GMDS: variants seen among roughly 807,000 people sequenced by gnomAD.
GMDS encodes the protein GDP-mannose 4,6 dehydratase.
Under a neutral mutation model 49.9 loss-of-function variants are expected in GMDS, and 20 were observed. That is an observed-to-expected ratio of 0.40 (90% confidence interval 0.28 to 0.58). GMDS has a LOEUF of 0.58. GMDS is among the 20% of genes least tolerant of loss of function. The pLI, the probability that GMDS is intolerant of heterozygous loss-of-function variation, is 0.42. For missense variants in GMDS, 362 were observed against 481.4 expected, an observed-to-expected ratio of 0.75 and a Z score of 2.32; for synonymous variants, 177 against 178.6, an observed-to-expected ratio of 0.99 and a Z score of 0.07.
intron 4 of GMDS, among the ~76,000 whole-genome samples, chr6:1,996,934 C>A (rs1377909351): frequency 6.6e-6 from 1 of 152,002 alleles, no homozygotes; most frequent in Non-Finnish European, 1.5e-5. Context: ...AGGAGTAAGA[C>A]CCTAGTCTTT....
chr6:2,071,804 G>A (rs1174883199), intron 4 of GMDS, among the ~76,000 whole-genome samples: 7 of 152,128 alleles, frequency 4.6e-5, no homozygotes. Flanking sequence ...TGCGAAGACT[G>A]AATACCAATT....
At chr6:1,768,742 G>T (rs1768459703) in intron 7 of GMDS, among the ~76,000 whole-genome samples, 1 of 152,200 alleles carries the variant, frequency 6.6e-6, no homozygotes, top group African/African-American at 2.4e-5. Context: ...AAACATTTCT[G>T]TTCCCAAGCA....
At chr6:1,721,973 T>C (rs999891020) in intron 9 of GMDS, among the ~76,000 whole-genome samples, 3 of 151,798 alleles carry the variant, frequency 2.0e-5, no homozygotes, top group African/African-American at 7.3e-5. Context: ...TGTTTCATTA[T>C]CCATTTTTGG....
At chr6:1,673,782 A>G in intron 9 of GMDS, among the ~76,000 whole-genome samples, 1 of 151,900 alleles carries the variant, frequency 6.6e-6, no homozygotes, top group Non-Finnish European at 1.5e-5. Context: ...TATAGCTGGA[A>G]TCATACAGTA....
chr6:1,871,819 T>C (rs1223221156), intron 7 of GMDS, among the ~76,000 whole-genome samples: 1 of 152,238 alleles, frequency 6.6e-6, no homozygotes, highest in Non-Finnish European at 1.5e-5. Flanking sequence ...TACAAGAGCA[T>C]AGTTCACATT....
chr6:1,630,311 C>T (rs542581986), intron 9 of GMDS, among the ~76,000 whole-genome samples: 6 of 152,234 alleles, frequency 3.9e-5, no homozygotes, highest in African/African-American at 1.4e-4. Flanking sequence ...TGGGACGAAC[C>T]GCATGTGGCC....
At chr6:2,194,001 G>A (rs1358359880) in intron 1 of GMDS, among the ~76,000 whole-genome samples, 2 of 151,618 alleles carry the variant, frequency 1.3e-5, no homozygotes, top group Non-Finnish European at 1.5e-5. Context: ...GATTACAGGC[G>A]TGAGCCACCG....
intron 9 of GMDS, among the ~76,000 whole-genome samples, chr6:1,658,490 G>A (rs896745476): frequency 5.3e-5 from 8 of 152,242 alleles, no homozygotes; most frequent in African/African-American, 1.9e-4. Flanking sequence ...TCCTGGACAG[G>A]CAGAGGGAAG....
Position 1,643,698 on chromosome 6 carries a change from G to A in GMDS, c.988-19158C>T, listed in dbSNP as rs1037218510. On this transcript the variant is annotated intron_variant, in intron 9 of 10. Transcript: ENST00000380815. Reference sequence around the variant, plus strand: ...TAATGGTTATGGAGTTTTTGCCTCCGGTGATGAAAATGCCCTAGAGTTGAT... The same window carrying A: ...TAATGGTTATGGAGTTTTTGCCTCCAGTGATGAAAATGCCCTAGAGTTGAT... Among the ~76,000 whole-genome samples the A allele has an allele frequency of 4.6e-5, 7 of 152,096 alleles. No homozygotes were observed. In the South Asian group the frequency reaches 1.0e-3, roughly 22 times the overall value.
intron 1 of GMDS, among the ~76,000 whole-genome samples, chr6:2,219,744 A>T (rs1318397135): frequency 6.6e-6 from 1 of 152,168 alleles, no homozygotes; most frequent in East Asian, 1.9e-4. Context: ...TTAAAAAAAA[A>T]TTCCCTCTGA....
intron 7 of GMDS, among the ~76,000 whole-genome samples, chr6:1,858,380 G>A (rs1168456971): frequency 6.6e-6 from 1 of 152,082 alleles, no homozygotes; most frequent in Non-Finnish European, 1.5e-5. Flanking sequence ...TATATTGTGT[G>A]CAGCTGTATG....
At chr6:1,897,910 C>G (rs931002313) in intron 7 of GMDS, among the ~76,000 whole-genome samples, 5 of 152,030 alleles carry the variant, frequency 3.3e-5, no homozygotes, top group Admixed American at 2.0e-4. Flanking sequence ...CAGGCTGGAT[C>G]TACTCCACGG....
chr6:1,924,987 C>T (rs1761921649), intron 7 of GMDS, among the ~76,000 whole-genome samples: 1 of 101,520 alleles, frequency 9.9e-6, no homozygotes, highest in African/African-American at 4.2e-5. Context: ...GCTATCTATA[C>T]CCCATAAAAT....
At chr6:1,859,475 C>T (rs914154252) in intron 7 of GMDS, among the ~76,000 whole-genome samples, 10 of 152,186 alleles carry the variant, frequency 6.6e-5, no homozygotes, top group South Asian at 2.1e-4. Context: ...GGCCACCAAA[C>T]GTGCAATGAA....
chr6:1,805,185 T>C (rs951206430), intron 7 of GMDS, among the ~76,000 whole-genome samples: 5 of 152,220 alleles, frequency 3.3e-5, no homozygotes, highest in African/African-American at 1.2e-4. Context: ...GATGGTTCAA[T>C]GCTAAGTTGT....
intron 1 of GMDS, among the ~76,000 whole-genome samples, chr6:2,158,234 C>T (rs1173600357): frequency 6.6e-6 from 1 of 152,004 alleles, no homozygotes; most frequent in Non-Finnish European, 1.5e-5. Flanking sequence ...TATATACATA[C>T]ATATATAATA....
chr6:2,011,314 A>C (rs918144488), intron 4 of GMDS, among the ~76,000 whole-genome samples: 1 of 152,224 alleles, frequency 6.6e-6, no homozygotes, highest in African/African-American at 2.4e-5. Flanking sequence ...GTTGGTGAGG[A>C]TGCAAAGAGA....
intron 4 of GMDS, among the ~76,000 whole-genome samples, chr6:2,082,875 C>T (rs971168882): frequency 2.0e-5 from 3 of 152,124 alleles, no homozygotes; most frequent in Admixed American, 6.5e-5. Context: ...ATGACAAAAC[C>T]GAACCCCAAA....
chr6:2,056,145 T>C (rs1056278585), intron 4 of GMDS, among the ~76,000 whole-genome samples: 11 of 152,178 alleles, frequency 7.2e-5, no homozygotes, highest in Non-Finnish European at 1.3e-4. Flanking sequence ...ATATGTCTCC[T>C]GATTCCAGAG....
Sources: gnomAD v4.1 joint callset for allele counts (sites outside exome capture counted in the v4.1 genomes callset) on GRCh38, gnomAD v4.1.1 for gene constraint, MANE v1.5 for transcripts, NCBI Gene and HGNC (gene_info 2026-07-23, HGNC 2026-07-21) for gene names.